The following COL5A2 variants were observed in gnomAD, a reference collection of about 807,000 sequenced individuals.
COL5A2 encodes the protein collagen type V alpha 2 chain, also known as collagen alpha-2(V) chain.
In COL5A2, 23 loss-of-function variants were observed where a neutral mutation model predicts 208.2. The ratio of observed to expected loss-of-function variants is 0.11; its 90% CI spans 0.08 to 0.16. COL5A2 has a LOEUF of 0.16. COL5A2 is among the 10% of genes least tolerant of loss of function. The pLI is 1.00. For missense variants in COL5A2, 1,590 were observed against 1,956.4 expected, an observed-to-expected ratio of 0.81 and a Z score of 3.53; for synonymous variants, 625 against 628.5, an observed-to-expected ratio of 0.99 and a Z score of 0.08.
chr2:189,287,725 A>G, the COL5A2 span, among the ~76,000 whole-genome samples: 4 of 152,220 alleles, frequency 2.6e-5, no homozygotes. Context: ...TGCAAAAATC[A>G]TTGCAATTAC....
At chr2:189,437,786 CTAAG>C in the COL5A2 span, among the ~76,000 whole-genome samples, 2 of 152,104 alleles carry the variant, frequency 1.3e-5, no homozygotes, top group South Asian at 2.1e-4. Context: ...GGGCCTATCA[CTAAG>C]TAATTCATGA....
At chr2:189,251,692 T>C in the COL5A2 span, among the ~76,000 whole-genome samples, 4 of 148,376 alleles carry the variant, frequency 2.7e-5, no homozygotes, top group South Asian at 2.1e-4. Context: ...GACCAGGACA[T>C]AGGCATGGGC....
chr2:189,138,785 T>C (rs554163672), intron 1 of COL5A2, among the ~76,000 whole-genome samples: 16 of 152,292 alleles, frequency 1.1e-4, no homozygotes, highest in African/African-American at 3.6e-4. Flanking sequence ...TGAAAGACTT[T>C]CCAGTGGCCA....
At chr2:189,280,798 C>T in the COL5A2 span, among the ~76,000 whole-genome samples, 1 of 151,998 alleles carries the variant, frequency 6.6e-6, no homozygotes, top group Non-Finnish European at 1.5e-5. Flanking sequence ...AAACAATTTC[C>T]CAGCAAGAAT....
chr2:189,154,258 A>G (rs6708419), intron 1 of COL5A2, among the ~76,000 whole-genome samples: 90,138 of 152,080 alleles, frequency 0.59, 28,195 homozygotes, highest in East Asian at 0.78. Flanking sequence ...AATATAAACT[A>G]CACAGCAGTA....
the COL5A2 span, among the ~76,000 whole-genome samples, chr2:189,368,568 A>T: frequency 6.6e-6 from 1 of 152,222 alleles, no homozygotes; most frequent in South Asian, 2.1e-4. Flanking sequence ...CCTAACACTG[A>T]AGTCAACATC....
chr2:189,328,176 G>A, the COL5A2 span, among the ~76,000 whole-genome samples: 98 of 152,264 alleles, frequency 6.4e-4, no homozygotes, highest in African/African-American at 2.2e-3. Context: ...CCCATTTTGA[G>A]TGCTTATCAT....
chr2:189,075,175 G>C (rs1405319152), intron 17 of COL5A2, among the ~76,000 whole-genome samples: 1 of 152,008 alleles, frequency 6.6e-6, no homozygotes, highest in East Asian at 1.9e-4. Context: ...CATAACTGAA[G>C]TTGTATACTG....
chr2:189,045,718 TA>T, intron 46 of COL5A2, 81 bp downstream of exon 46: 1 of 1,020,770 alleles, frequency 9.8e-7, no homozygotes, highest in Non-Finnish European at 1.6e-6. Context: ...CATGTATGAC[TA>T]TGTGTGTGTG....
the COL5A2 span, among the ~76,000 whole-genome samples, chr2:189,231,587 G>A: frequency 1.3e-5 from 2 of 151,520 alleles, no homozygotes; most frequent in African/African-American, 4.8e-5. Context: ...GAACAAGCCT[G>A]ACCCCCCAGC....
chr2:189,051,943 T>A (rs1576494863), intron 41 of COL5A2, among the ~76,000 whole-genome samples: 1 of 152,080 alleles, frequency 6.6e-6, no homozygotes, highest in Non-Finnish European at 1.5e-5. Context: ...GGAATAATAA[T>A]AAAACATTGG....
chr2:189,118,095 C>T (rs1687430612), intron 1 of COL5A2, among the ~76,000 whole-genome samples: 1 of 152,058 alleles, frequency 6.6e-6, no homozygotes, highest in African/African-American at 2.4e-5. Flanking sequence ...AAATGATATG[C>T]TTCAACCCTG....
the COL5A2 span, among the ~76,000 whole-genome samples, chr2:189,426,280 C>T: frequency 7.9e-5 from 12 of 152,264 alleles, no homozygotes; most frequent in African/African-American, 2.6e-4. Flanking sequence ...AAAAGTCAAG[C>T]TGGGAACTGC....
the COL5A2 span, among the ~76,000 whole-genome samples, chr2:189,264,438 A>C: frequency 6.6e-6 from 1 of 152,178 alleles, no homozygotes; most frequent in Non-Finnish European, 1.5e-5. Flanking sequence ...TTATAGAAAG[A>C]AGGGAAATTC....
the COL5A2 span, among the ~76,000 whole-genome samples, chr2:189,262,638 A>C: frequency 1.1e-3 from 171 of 152,238 alleles, no homozygotes; most frequent in African/African-American, 3.8e-3. Context: ...CAGAACATAT[A>C]ACTTACACAC....
chr2:189,257,885 C>T, the COL5A2 span, among the ~76,000 whole-genome samples: 4 of 152,224 alleles, frequency 2.6e-5, no homozygotes, highest in Admixed American at 1.3e-4. Context: ...GAGGCCAAGT[C>T]GGGCAGATCA....
In COL5A2 at chr2:189,061,563, T is replaced by C; in HGVS notation, c.2030A>G (p.Gln677Arg). Residue 677 changes from glutamine (Q) to arginine (R), a missense_variant and splice_region_variant, in exon 30 of 54, where the codon CAG becomes CGG. Physicochemically the swap from Gln to Arg is conservative, Grantham distance 43. Coordinates refer to ENST00000374866, the MANE Select transcript of COL5A2 (RefSeq NM_000393.5). ...ATGGAAAACCGAATTAGTGCATACC[T>C]GAAAACCTGTGGGGCCTGGAGGTCC... ...EQGPPGPTGF[Q>R]GLPGPPGPPG... The C allele has an allele frequency of 6.2e-7, 1 of 1,611,774 alleles. No individual in the cohort carries two copies. The highest frequency in any genetic ancestry group is 8.5e-7 in the Non-Finnish European group (1 of 1,178,102).
At chr2:189,278,350 T>C in the COL5A2 span, among the ~76,000 whole-genome samples, 1 of 152,086 alleles carries the variant, frequency 6.6e-6, no homozygotes. Flanking sequence ...ATACAGGAAA[T>C]TTTGATGGAG....
the COL5A2 span, among the ~76,000 whole-genome samples, chr2:189,400,723 A>G: frequency 6.6e-6 from 1 of 152,212 alleles, no homozygotes; most frequent in Admixed American, 6.5e-5. Context: ...GACAAAATGC[A>G]TATCTCACTG....
Sources: gnomAD v4.1 joint callset for allele counts (sites outside exome capture counted in the v4.1 genomes callset) on GRCh38, gnomAD v4.1.1 for gene constraint, MANE v1.5 for transcripts, NCBI Gene and HGNC (gene_info 2026-07-23, HGNC 2026-07-21) for gene names.